Variants in RHOQ observed in about 807,000 individuals in gnomAD.
RHOQ encodes the protein ras homolog family member Q, also known as rho-related GTP-binding protein RhoQ.
A neutral mutation model predicts 25.8 loss-of-function variants in RHOQ; 7 were observed. The ratio of observed to expected loss-of-function variants is 0.27; its 90% CI spans 0.15 to 0.51. RHOQ has a LOEUF of 0.51. RHOQ is among the 20% of genes least tolerant of loss of function. The pLI is 0.97. For missense variants in RHOQ, 165 were observed against 260.6 expected (o/e 0.63, Z 2.53); for synonymous variants, 97 against 98.6 (o/e 0.98, Z 0.10).
chr2:46,576,301 C>G lies in RHOQ; in HGVS notation c.366+50C>G, dbSNP rs781358448. 6.8e-7 allele frequency: 1 copy of G among 1,460,274 alleles called. No homozygotes were observed. Among genetic ancestry groups the G allele is most frequent in the South Asian group, 1.2e-5 (1 of 81,932 alleles). 90.5% of individuals were successfully genotyped at this position (1,460,274 alleles called of 1,614,324 possible). Reference sequence around the variant, plus strand: ...TTTTAGAATAAGCTCTTTGGTCTGTCGTAGAGGCTGCTCTCAGACAAACAG... The same window carrying G: ...TTTTAGAATAAGCTCTTTGGTCTGTGGTAGAGGCTGCTCTCAGACAAACAG... On this transcript the variant is annotated intron_variant, in intron 3 of 4. Coordinates refer to ENST00000238738, the MANE Select transcript of RHOQ (RefSeq NM_012249.4). This position sits in a 1 kb window ranked among gnomAD's most constrained non-coding sequence, Gnocchi z 5.1.
chr2:46,575,518 G>C (rs1273435060), intron 2 of RHOQ, among the ~76,000 whole-genome samples: 1 of 151,876 alleles, frequency 6.6e-6, no homozygotes, highest in Non-Finnish European at 1.5e-5. Context: ...TAAGAGTATA[G>C]ACTCTGGAGT....
rs773637491 is a variant in RHOQ at position 46,576,167 on chromosome 2, CT to C, written c.283del (p.Ser95HisfsTer5). The C allele has an allele frequency of 1.3e-6, 2 of 1,593,588 alleles. No homozygotes were observed. Among genetic ancestry groups the C allele is most frequent in the African/African-American group, 2.8e-5 (2 of 72,628 alleles). ...LICFSVVNPASFQNVKEEWVP... is the reference protein window; with the variant it reads ...LICFSVVNPAXFQNVKEEWVP... ...TATGCTTCTCGGTGGTAAATCCAGC[CT>C]CATTTCAAAATGTGAAAGAGGAGTG... is the stretch of plus-strand genomic sequence containing the variant. On this transcript the variant is annotated frameshift_variant, in exon 3 of 5. Transcript: ENST00000238738. LOFTEE classifies it high-confidence loss of function. This position sits in a 1 kb window ranked among gnomAD's most constrained non-coding sequence, Gnocchi z 5.1.
chr2:46,551,367 A>G (rs1377334607), intron 2 of RHOQ, among the ~76,000 whole-genome samples: 1 of 152,186 alleles, frequency 6.6e-6, no homozygotes, highest in Non-Finnish European at 1.5e-5. Context: ...TCTGTGTGCC[A>G]TGAGGTGAAG....
rs1003627274 is a variant in RHOQ at position 46,569,630 on chromosome 2, C to G, written c.202-6457C>G. On this transcript the variant is annotated intron_variant, in intron 2 of 4. Transcript: ENST00000238738. This position sits in a 1 kb window ranked among gnomAD's most constrained non-coding sequence, Gnocchi z 4.1. ...AGGAAAGCACAATGGAAAAGAAGCC[C>G]AAGATCTAGTTCTCTAGCTCCTAAA... 1.3e-5 allele frequency: 2 copies of G among 152,116 alleles called. No individual in the cohort carries two copies. Among genetic ancestry groups the G allele is most frequent in the Non-Finnish European group, 2.9e-5 (2 of 68,024 alleles). The allele number at this position is 152,116 out of a possible 1,614,324, so 9.4% of individuals were successfully genotyped here.
chr2:46,578,705 G>A (rs770099650), intron 4 of RHOQ, among the ~76,000 whole-genome samples: 4 of 151,060 alleles, frequency 2.6e-5, no homozygotes, highest in African/African-American at 9.7e-5. Flanking sequence ...GCAGTGAGCC[G>A]AGATAGTGCC....
chr2:46,546,475 T>C (rs1308827016), intron 2 of RHOQ, among the ~76,000 whole-genome samples: 16 of 6,784 alleles, frequency 2.4e-3, no homozygotes, highest in South Asian at 7.6e-3. Flanking sequence ...TATATATATG[T>C]GTATATATAT....
chr2:46,543,301 G>A, intron 1 of RHOQ, 113 bp downstream of exon 1: 3 of 1,016,726 alleles, frequency 3.0e-6, no homozygotes, highest in African/African-American at 2.6e-5. Context: ...CCCCTCCCCC[G>A]CCGCGCCCTC....
At chr2:46,549,821 ACCT>A (rs1668185443) in intron 2 of RHOQ, among the ~76,000 whole-genome samples, 1 of 151,750 alleles carries the variant, frequency 6.6e-6, no homozygotes, top group African/African-American at 2.4e-5. Flanking sequence ...GCCGGCCAGG[ACCT>A]CCTGGATGCG....
intron 2 of RHOQ, among the ~76,000 whole-genome samples, chr2:46,558,119 T>A (rs1391145936): frequency 1.3e-5 from 2 of 152,224 alleles, no homozygotes; most frequent in Non-Finnish European, 2.9e-5. Flanking sequence ...AAGTATTCTG[T>A]CAGTTTCTTC....
chr2:46,582,672 A>G lies in RHOQ; in HGVS notation c.*1589A>G, dbSNP rs1669437954. ...GGCTTCTGTTAATTCACATGACTTG[A>G]GCTTATAGCTATGTCTACTGCACAG... On this transcript the variant is annotated 3_prime_UTR_variant, in exon 5 of 5. Transcript: ENST00000238738. 6.6e-6 allele frequency: 1 copy of G among 152,586 alleles called. No individual in the cohort carries two copies. The highest frequency in any genetic ancestry group is 1.5e-5 in the Non-Finnish European group (1 of 68,028). 9.5% of individuals were successfully genotyped at this position (152,586 alleles called of 1,614,324 possible). A position where few individuals can be genotyped will look rare whatever the true frequency, so the allele number is the denominator to read the frequency against.
intron 2 of RHOQ, among the ~76,000 whole-genome samples, chr2:46,567,425 G>A (rs1262699848): frequency 4.0e-5 from 6 of 149,802 alleles, no homozygotes; most frequent in South Asian, 2.1e-4. Flanking sequence ...ACAGGGTGTC[G>A]TTCTGTCACC....
intron 4 of RHOQ, among the ~76,000 whole-genome samples, chr2:46,579,499 C>T (rs1669266030): frequency 6.6e-6 from 1 of 152,170 alleles, no homozygotes; most frequent in Admixed American, 6.5e-5. Flanking sequence ...TCAAAATTAA[C>T]ATGTCTAAGA....
chr2:46,583,353 C>G lies in RHOQ; in HGVS notation c.*2270C>G, dbSNP rs1297954739. Among the ~76,000 whole-genome samples, 1 of 152,254 alleles carries G rather than the reference C, an allele frequency of 6.6e-6. No homozygotes were observed. The highest frequency in any genetic ancestry group is 1.9e-4 in the East Asian group (1 of 5,184). ...GGTAGAACAGAGATCTCCAACGTCT[C>G]TCCCATTTATCACAGTAATTTTCTT... is the stretch of plus-strand genomic sequence containing the variant. On this transcript the variant is annotated 3_prime_UTR_variant, in exon 5 of 5. Coordinates refer to ENST00000238738, the MANE Select transcript of RHOQ (RefSeq NM_012249.4).
At chr2:46,547,607 G>A (rs891480591) in intron 2 of RHOQ, among the ~76,000 whole-genome samples, 12 of 152,242 alleles carry the variant, frequency 7.9e-5, no homozygotes, top group African/African-American at 2.9e-4. Context: ...TGACTGCCAA[G>A]CATTTTGGAG....
In RHOQ at chr2:46,552,473, C is replaced by T. The variant is rs1348861585; in HGVS notation, c.201+8661C>T. 2.0e-5 allele frequency among the ~76,000 whole-genome samples: 3 copies of T among 152,244 alleles called. No homozygotes were observed. The highest frequency in any genetic ancestry group is 7.2e-5 in the African/African-American group (3 of 41,464). ...GGGCTACCTCAGGCCTTTCCTTTCTCCCTTCAAGGATTTTCTTATTCAGGG... is the reference window on the plus strand; with the variant it reads ...GGGCTACCTCAGGCCTTTCCTTTCTTCCTTCAAGGATTTTCTTATTCAGGG... On this transcript the variant is annotated intron_variant, in intron 2 of 4. Transcript: ENST00000238738. This position sits in a 1 kb window ranked among gnomAD's most constrained non-coding sequence, Gnocchi z 5.0.
chr2:46,562,473 C>T (rs1668606192), intron 2 of RHOQ, among the ~76,000 whole-genome samples: 1 of 152,242 alleles, frequency 6.6e-6, no homozygotes. Context: ...TTTTGTCTCA[C>T]TGGCTCTTGC....
intron 1 of RHOQ, 136 bp from the exon 2 acceptor site, chr2:46,543,618 G>T (rs756893153): frequency 5.5e-4 from 405 of 731,550 alleles, no homozygotes; most frequent in East Asian, 4.0e-3. Context: ...CACGGGAAAA[G>T]GGGGTGACAT....
intron 2 of RHOQ, among the ~76,000 whole-genome samples, chr2:46,550,371 A>G (rs1668203403): frequency 6.6e-6 from 1 of 152,244 alleles, no homozygotes. Flanking sequence ...AGCTTCACTA[A>G]TACAGTAGAA....
chr2:46,566,391 C>T lies in RHOQ; in HGVS notation c.202-9696C>T, dbSNP rs1362784484. Among the ~76,000 whole-genome samples the T allele has an allele frequency of 6.6e-6, 1 of 152,074 alleles. No individual in the cohort carries two copies. Among genetic ancestry groups the T allele is most frequent in the East Asian group, 1.9e-4 (1 of 5,190 alleles). ...TCTCTCCCTATGGTGCTTCTCTACC[C>T]TACCCTCAGTTTTCTTCATCCCTCT... On this transcript the variant is annotated intron_variant, in intron 2 of 4. Transcript: ENST00000238738. This position sits in a 1 kb window ranked among gnomAD's most constrained non-coding sequence, Gnocchi z 4.2.
Sources: allele counts gnomAD v4.1 joint callset (sites outside exome capture counted in the v4.1 genomes callset), GRCh38; gene constraint gnomAD v4.1.1; non-coding constraint Gnocchi (gnomAD v3.1); transcripts MANE v1.5; gene names NCBI Gene and HGNC (gene_info 2026-07-23, HGNC 2026-07-21).